Variants in SASS6 observed in about 807,000 individuals in gnomAD.
SASS6 encodes the protein SAS-6 centriolar assembly protein, also known as spindle assembly abnormal protein 6 homolog.
SASS6 carries 59 observed loss-of-function variants against 94.9 expected under a neutral mutation model. That is an observed-to-expected ratio of 0.62 (90% CI 0.50 to 0.77). The LOEUF is 0.77. SASS6 is among the 30% of genes least tolerant of loss of function. The probability of loss-of-function intolerance (pLI) is 0.00; values close to 1 mark genes in which losing one functional copy is unlikely to be tolerated. For missense variants in SASS6, 698 were observed against 734.1 expected (o/e 0.95, Z 0.57); for synonymous variants, 264 against 270.0 (o/e 0.98, Z 0.22).
chr1:100,113,261 G>A (rs528829583), intron 7 of SASS6, among the ~76,000 whole-genome samples: 40 of 152,174 alleles, frequency 2.6e-4, no homozygotes, highest in African/African-American at 9.4e-4. Context: ...ACTTGCACAT[G>A]TACCCCTGAA....
At chr1:100,107,046 A>G in intron 11 of SASS6, 53 bp from the exon 12 acceptor site, 1 of 758,974 alleles carries the variant, frequency 1.3e-6, no homozygotes, top group Non-Finnish European at 2.3e-6. Flanking sequence ...GTTAAATAAA[A>G]ACTGAAGAAT....
At chr1:100,104,957 G>C (rs1245620106) in intron 13 of SASS6, among the ~76,000 whole-genome samples, 4 of 151,580 alleles carry the variant, frequency 2.6e-5, no homozygotes, top group African/African-American at 9.7e-5. Context: ...TGTCTCAAAA[G>C]AGAAAAAAAT....
chr1:100,117,088 G>A (rs1374609943), intron 7 of SASS6, among the ~76,000 whole-genome samples: 1 of 151,818 alleles, frequency 6.6e-6, no homozygotes, highest in Non-Finnish European at 1.5e-5. Flanking sequence ...AAGGTCAGGA[G>A]TTCGAGACCA....
chr1:100,083,920 G>GTATT lies in SASS6; in HGVS notation c.*1404_*1407dup, dbSNP rs1651032059. 2 of 142,832 alleles carry GTATT rather than the reference G, an allele frequency of 1.4e-5. No individual in the cohort carries two copies. Among genetic ancestry groups the GTATT allele is most frequent in the African/African-American group, 6.1e-5 (2 of 32,904 alleles). The allele number at this position is 142,832 out of a possible 1,614,324, so 8.8% of individuals were successfully genotyped here. On this transcript the variant is annotated 3_prime_UTR_variant, in exon 17 of 17. Transcript: ENST00000287482. ...TATTTACAACAAAGCCCCTTCCATA[G>GTATT]TATTTACAATAAAGCTCCTTCCAAA...
chr1:100,092,694 G>T (rs1303411345), intron 14 of SASS6, among the ~76,000 whole-genome samples: 1 of 152,012 alleles, frequency 6.6e-6, no homozygotes, highest in Non-Finnish European at 1.5e-5. Context: ...TTCTGCCTTA[G>T]CCTCCCGAGT....
chr1:100,086,431 CAGAT>C (rs1651271536), intron 15 of SASS6, among the ~76,000 whole-genome samples: 1 of 151,594 alleles, frequency 6.6e-6, no homozygotes, highest in Admixed American at 6.6e-5. Context: ...ATTTTATGGA[CAGAT>C]GGATATGTTT....
intron 15 of SASS6, among the ~76,000 whole-genome samples, chr1:100,087,386 T>C (rs1651378324): frequency 6.6e-6 from 1 of 152,240 alleles, no homozygotes; most frequent in Admixed American, 6.5e-5. Flanking sequence ...TAGTTTGTAA[T>C]GTAGAACTAG....
At position 100,122,473 on chromosome 1, in the gene SASS6, T is replaced by C; in HGVS notation, c.218A>G (p.Gln73Arg). 6.6e-7 allele frequency: 1 copy of C among 1,509,078 alleles called. No individual in the cohort carries two copies. Among genetic ancestry groups the C allele is most frequent in the South Asian group, 1.1e-5 (1 of 87,230 alleles). 93.5% of individuals were successfully genotyped at this position (1,509,078 alleles called of 1,614,324 possible). ...TAAGAAGTCTACCAGAAGACCTTGC[T>C]GGAATTTTAAACTATACAGAAGAAA... ...SEEDFQSLKF[Q>R]QGLLVDFLAF... The change falls in exon 4 of 17, where the codon CAG becomes CGG. Residue 73 changes from glutamine (Q) to arginine (R), a missense_variant. By Grantham distance (43) the Gln-to-Arg change is conservative. Transcript: ENST00000287482.
chr1:100,107,297 G>A (rs1012687626), intron 11 of SASS6, 77 bp downstream of exon 11: 1 of 859,756 alleles, frequency 1.2e-6, no homozygotes, highest in Admixed American at 2.6e-5. Flanking sequence ...AAAGCCATTT[G>A]TTAATGTAAC....
At chr1:100,088,429 T>A (rs1651455848) in intron 14 of SASS6, among the ~76,000 whole-genome samples, 193 bp from the exon 15 acceptor site, 1 of 152,124 alleles carries the variant, frequency 6.6e-6, no homozygotes, top group African/African-American at 2.4e-5. Flanking sequence ...TAGCTGAGAC[T>A]ACAGGTACAC....
At chr1:100,100,377 A>G (rs781680093) in intron 14 of SASS6, among the ~76,000 whole-genome samples, 3 of 152,220 alleles carry the variant, frequency 2.0e-5, no homozygotes, top group Admixed American at 6.5e-5. Context: ...GTGTCAGGGC[A>G]TTTGTCTTGT....
intron 14 of SASS6, among the ~76,000 whole-genome samples, chr1:100,088,877 A>C (rs893158023): frequency 1.3e-5 from 2 of 152,040 alleles, no homozygotes; most frequent in Non-Finnish European, 2.9e-5. Context: ...AGAAATATAA[A>C]ATCCAGACAA....
At chr1:100,131,487 C>T (rs1655021426) in intron 1 of SASS6, among the ~76,000 whole-genome samples, 1 of 152,122 alleles carries the variant, frequency 6.6e-6, no homozygotes, top group Admixed American at 6.5e-5. Flanking sequence ...TAAAAATTGA[C>T]ATATTTTACA....
chr1:100,107,257 T>C (rs973871328), intron 11 of SASS6, 117 bp downstream of exon 11: 3 of 676,684 alleles, frequency 4.4e-6, no homozygotes, highest in Admixed American at 3.0e-5. Context: ...AATCTAGTCA[T>C]GTTCTTTTGT....
intron 1 of SASS6, among the ~76,000 whole-genome samples, chr1:100,131,913 T>C (rs913381671): frequency 6.6e-6 from 1 of 152,228 alleles, no homozygotes; most frequent in African/African-American, 2.4e-5. Context: ...ACGCATGTTA[T>C]ATCAGTTTTA....
intron 6 of SASS6, among the ~76,000 whole-genome samples, chr1:100,120,094 G>A (rs183796051): frequency 3.9e-5 from 6 of 152,278 alleles, no homozygotes; most frequent in East Asian, 1.9e-4. Context: ...GGAATGAGGC[G>A]AACAAGTGGG....
At chr1:100,125,723 T>C (rs1018114359) in intron 2 of SASS6, among the ~76,000 whole-genome samples, 159 bp downstream of exon 2, 1 of 151,402 alleles carries the variant, frequency 6.6e-6, no homozygotes, top group Non-Finnish European at 1.5e-5. Context: ...TCAGTTGTTG[T>C]CTCAGTAGAT....
intron 7 of SASS6, among the ~76,000 whole-genome samples, chr1:100,110,911 G>A (rs532640180): frequency 5.3e-5 from 8 of 151,740 alleles, no homozygotes; most frequent in South Asian, 2.1e-4. Flanking sequence ...ATAAATACTC[G>A]TATATATGCT....
chr1:100,101,251 A>G (rs956804278), intron 14 of SASS6, among the ~76,000 whole-genome samples: 3 of 152,034 alleles, frequency 2.0e-5, no homozygotes, highest in Non-Finnish European at 4.4e-5. Flanking sequence ...GGCATATAGT[A>G]TTTCAGTAGT....
Sources: allele counts gnomAD v4.1 joint callset (sites outside exome capture counted in the v4.1 genomes callset), GRCh38; gene constraint gnomAD v4.1.1; transcripts MANE v1.5; gene names NCBI Gene and HGNC (gene_info 2026-07-23, HGNC 2026-07-21).